SPATA16: variants seen among roughly 807,000 people sequenced by gnomAD.
The protein encoded by SPATA16 is spermatogenesis-associated protein 16.
SPATA16 carries 36 observed loss-of-function variants against 63.3 expected under a neutral mutation model. The observed-to-expected ratio is 0.57, with a 90% CI of 0.44 to 0.75. The LOEUF (loss-of-function observed/expected upper bound fraction) is 0.75, where lower values mean the gene tolerates loss of function less well. Ranked by LOEUF, SPATA16 falls within the 30% of genes least tolerant of loss-of-function variation. SPATA16 has a pLI of 0.00. For synonymous variants in SPATA16, 203 were observed against 216.7 expected, an observed-to-expected ratio of 0.94 and a Z score of 0.56; for missense variants, 646 against 679.3, an observed-to-expected ratio of 0.95 and a Z score of 0.54.
rs538308574 is a variant in SPATA16 at position 173,009,997 on chromosome 3, A to G, written c.848+9489T>C. ...TGGGAGGGAACCACTCCAAGTGATGAGTAGGCCCATGACCAGTCTGATTGG... is the reference window on the plus strand; with the variant it reads ...TGGGAGGGAACCACTCCAAGTGATGGGTAGGCCCATGACCAGTCTGATTGG... On this transcript the variant is annotated intron_variant, in intron 4 of 10. Coordinates refer to ENST00000351008, the MANE Select transcript of SPATA16 (RefSeq NM_031955.6). Among the ~76,000 whole-genome samples the G allele has an allele frequency of 6.6e-5, 10 of 152,120 alleles. No homozygotes were observed. In the South Asian group the frequency reaches 1.9e-3, roughly 28 times the overall value.
At chr3:172,921,295 T>G (rs999920678) in intron 8 of SPATA16, among the ~76,000 whole-genome samples, 22 of 152,190 alleles carry the variant, frequency 1.4e-4, no homozygotes, top group African/African-American at 5.3e-4. Context: ...CCACTAGTAT[T>G]AAGGATGACT....
chr3:172,933,233 GAGAGTTGGAATGATCACT>G, intron 6 of SPATA16, among the ~76,000 whole-genome samples: 1 of 152,282 alleles, frequency 6.6e-6, no homozygotes, highest in African/African-American at 2.4e-5. Context: ...TGCACTGTAT[GAGAGTTGGAATGATCACT>G]GGTTAATTGG....
At chr3:172,922,116 T>C (rs1300483540) in intron 8 of SPATA16, among the ~76,000 whole-genome samples, 2 of 152,228 alleles carry the variant, frequency 1.3e-5, no homozygotes, top group African/African-American at 4.8e-5. Flanking sequence ...CTAGTTTACC[T>C]TTGCAGCCAA....
intron 2 of SPATA16, among the ~76,000 whole-genome samples, chr3:173,076,739 T>C (rs1444174061): frequency 2.0e-5 from 3 of 152,174 alleles, no homozygotes; most frequent in African/African-American, 7.2e-5. Context: ...AGGAAAATTA[T>C]TCACTAATCT....
chr3:173,082,687 G>A (rs1291812990), intron 2 of SPATA16, among the ~76,000 whole-genome samples: 1 of 152,196 alleles, frequency 6.6e-6, no homozygotes, highest in Non-Finnish European at 1.5e-5. Flanking sequence ...GGCATGCCAG[G>A]ATGCCCACAG....
Position 172,922,162 on chromosome 3 carries a change from C to T in SPATA16, c.1338+2046G>A, listed in dbSNP as rs571358621. 3.3e-5 allele frequency among the ~76,000 whole-genome samples: 5 copies of T among 152,288 alleles called. No homozygotes were observed. The East Asian group carries it at 9.7e-4, about 29-fold the overall frequency. On this transcript the variant is annotated intron_variant, in intron 8 of 10. Coordinates refer to ENST00000351008, the MANE Select transcript of SPATA16 (RefSeq NM_031955.6). Reference sequence around the variant, plus strand: ...CCTCCCTTATGAAGCTGTGGCTGAGCAAATAATAAGAAACCTAGTACCTGA... The same window carrying T: ...CCTCCCTTATGAAGCTGTGGCTGAGTAAATAATAAGAAACCTAGTACCTGA...
chr3:173,083,609 G>C (rs1736975233), intron 2 of SPATA16, among the ~76,000 whole-genome samples: 1 of 152,170 alleles, frequency 6.6e-6, no homozygotes, highest in African/African-American at 2.4e-5. Context: ...ATTAAGTCCA[G>C]CATTAGCTAT....
At chr3:172,967,292 A>AG (rs1381555238) in intron 5 of SPATA16, among the ~76,000 whole-genome samples, 1 of 152,230 alleles carries the variant, frequency 6.6e-6, no homozygotes, top group Non-Finnish European at 1.5e-5. Flanking sequence ...AGGCAAAAAA[A>AG]GTAAAGAAAA....
At chr3:173,068,972 T>C (rs1438488186) in intron 2 of SPATA16, among the ~76,000 whole-genome samples, 1 of 150,280 alleles carries the variant, frequency 6.7e-6, no homozygotes, top group Non-Finnish European at 1.5e-5. Flanking sequence ...TAGCCGGGCG[T>C]GGTGGCAGGC....
intron 9 of SPATA16, 43 bp downstream of exon 9, chr3:172,916,274 G>A (rs371910720): frequency 4.5e-5 from 70 of 1,570,992 alleles, no homozygotes; most frequent in Non-Finnish European, 5.9e-5. Flanking sequence ...CTTTTCTGTT[G>A]GCTCTGGGCC....
intron 1 of SPATA16, among the ~76,000 whole-genome samples, chr3:173,120,656 A>G (rs1738038515): frequency 6.6e-6 from 1 of 152,104 alleles, no homozygotes; most frequent in Admixed American, 6.5e-5. Context: ...GCATAAAGTT[A>G]TCTTTATAGC....
intron 6 of SPATA16, among the ~76,000 whole-genome samples, chr3:172,939,681 C>T (rs1196814392): frequency 6.6e-6 from 1 of 152,160 alleles, no homozygotes. Flanking sequence ...AATATTTGGT[C>T]TTTGTCCCCA....
chr3:173,009,105 C>A (rs1735002995), intron 4 of SPATA16, among the ~76,000 whole-genome samples: 1 of 152,132 alleles, frequency 6.6e-6, no homozygotes, highest in Non-Finnish European at 1.5e-5. Flanking sequence ...TTTAAAAAAA[C>A]TGAAATAACT....
At chr3:173,031,508 CA>C (rs1161339640) in intron 3 of SPATA16, among the ~76,000 whole-genome samples, 1 of 152,040 alleles carries the variant, frequency 6.6e-6, no homozygotes, top group East Asian at 1.9e-4. Context: ...TATAATGTAA[CA>C]ATCTGTGTTC....
intron 9 of SPATA16, 82 bp downstream of exon 9, chr3:172,916,231 ATTTT>A: frequency 1.0e-5 from 11 of 1,100,854 alleles, no homozygotes; most frequent in East Asian, 2.9e-5. Flanking sequence ...TTACCACAGG[ATTTT>A]TTTTTTTTTT....
At chr3:173,007,177 T>A (rs904039196) in intron 4 of SPATA16, among the ~76,000 whole-genome samples, 6 of 152,148 alleles carry the variant, frequency 3.9e-5, no homozygotes, top group South Asian at 2.1e-4. Context: ...GGCCAAGAGC[T>A]TATAAGACTG....
intron 4 of SPATA16, among the ~76,000 whole-genome samples, chr3:172,997,484 A>G (rs1734719078): frequency 6.6e-6 from 1 of 151,820 alleles, no homozygotes; most frequent in African/African-American, 2.4e-5. Context: ...GAGTTTTAAG[A>G]GTTCTTTGTA....
chr3:172,990,039 G>C (rs1272119087), intron 4 of SPATA16, among the ~76,000 whole-genome samples: 1 of 152,042 alleles, frequency 6.6e-6, no homozygotes, highest in Non-Finnish European at 1.5e-5. Flanking sequence ...TCATCTCTTA[G>C]AGCCCTCTAA....
At chr3:172,957,259 A>G (rs1273117080) in intron 5 of SPATA16, among the ~76,000 whole-genome samples, 4 of 152,202 alleles carry the variant, frequency 2.6e-5, no homozygotes, top group Admixed American at 6.5e-5. Context: ...ACGGCAAACT[A>G]GACAGACGGT....
Sources: allele counts gnomAD v4.1 joint callset (sites outside exome capture counted in the v4.1 genomes callset), GRCh38; gene constraint gnomAD v4.1.1; transcripts MANE v1.5; gene names NCBI Gene and HGNC (gene_info 2026-07-23, HGNC 2026-07-21).